The following PTPRD variants were observed in gnomAD, a reference collection of about 807,000 sequenced individuals.
PTPRD encodes receptor-type tyrosine-protein phosphatase delta.
In PTPRD, 34 loss-of-function variants were observed where a neutral mutation model predicts 214.5. That is an observed-to-expected ratio of 0.16 (90% CI 0.12 to 0.21). The LOEUF is 0.21. Among genes scored for constraint, PTPRD ranks in the 10% least tolerant of loss-of-function variants. The probability of loss-of-function intolerance (pLI) is 1.00; values close to 1 mark genes in which losing one functional copy is unlikely to be tolerated. For missense variants in PTPRD, 2,545 were observed against 2,398.7 expected (o/e 1.06, Z -1.27); for synonymous variants, 1,128 against 845.7 (o/e 1.33, Z -5.79).
intron 10 of PTPRD, among the ~76,000 whole-genome samples, chr9:9,033,160 G>C (rs578218700): frequency 6.6e-6 from 1 of 152,112 alleles, no homozygotes; most frequent in Non-Finnish European, 1.5e-5. Flanking sequence ...ACTGGGTATA[G>C]TCCATAGACA....
At chr9:8,361,717 T>C (rs983814843) in intron 39 of PTPRD, among the ~76,000 whole-genome samples, 1 of 152,318 alleles carries the variant, frequency 6.6e-6, no homozygotes, top group East Asian at 1.9e-4. Flanking sequence ...ATGTTGATAA[T>C]TGAAGCTGTG....
chr9:9,374,779 T>C (rs914779446), intron 9 of PTPRD, among the ~76,000 whole-genome samples: 17 of 152,154 alleles, frequency 1.1e-4, no homozygotes, highest in African/African-American at 3.9e-4. Flanking sequence ...GCCATCTTTG[T>C]CTTACATTGG....
chr9:9,656,846 A>T (rs1353485070), intron 7 of PTPRD, among the ~76,000 whole-genome samples: 1 of 152,084 alleles, frequency 6.6e-6, no homozygotes, highest in Non-Finnish European at 1.5e-5. Context: ...ATAGTGGGAA[A>T]GGTTGTAGGT....
At chr9:9,750,965 AAATCATCAC>A (rs2098512222) in intron 6 of PTPRD, among the ~76,000 whole-genome samples, 1 of 152,066 alleles carries the variant, frequency 6.6e-6, no homozygotes, top group South Asian at 2.1e-4. Flanking sequence ...AAAGTGCATT[AAATCATCAC>A]TGGAGAAAGA....
At chr9:9,354,275 T>A (rs534177804) in intron 9 of PTPRD, among the ~76,000 whole-genome samples, 11 of 151,832 alleles carry the variant, frequency 7.2e-5, no homozygotes, top group Non-Finnish European at 7.4e-5. Context: ...CAGGGACATG[T>A]ATGGGTATAT....
rs556217661 is a variant in PTPRD, at chr9:9,023,748, G to A, written c.-142-5013C>T. Among the ~76,000 whole-genome samples the A allele has an allele frequency of 2.6e-4, 39 of 152,126 alleles. No homozygotes were observed. The South Asian group carries it at 5.4e-3, about 21-fold the overall frequency. ...AATATTTAGCTCCACTTATAAGTGA[G>A]AAAATGAGGTATTTGGTTTCTTGTT... is the stretch of plus-strand genomic sequence containing the variant. On this transcript the variant is annotated intron_variant, in intron 10 of 45. Coordinates refer to ENST00000381196, the MANE Select transcript of PTPRD (RefSeq NM_002839.4).
chr9:10,093,225 T>G (rs2098450217), intron 3 of PTPRD, among the ~76,000 whole-genome samples: 1 of 151,286 alleles, frequency 6.6e-6, no homozygotes, highest in Non-Finnish European at 1.5e-5. Context: ...AAATCTGGAA[T>G]CTACAAGAAA....
At chr9:10,396,498 C>T (rs1347532727) in intron 2 of PTPRD, among the ~76,000 whole-genome samples, 3 of 151,914 alleles carry the variant, frequency 2.0e-5, no homozygotes, top group Admixed American at 6.6e-5. Context: ...TCTTCTCCCC[C>T]AGTTCTATTC....
At chr9:8,750,631 A>G (rs756005869) in intron 11 of PTPRD, among the ~76,000 whole-genome samples, 1 of 152,186 alleles carries the variant, frequency 6.6e-6, no homozygotes, top group Non-Finnish European at 1.5e-5. Context: ...AATGACAAGA[A>G]GAAATGCAGA....
At chr9:10,156,510 TG>T (rs2099094409) in intron 3 of PTPRD, among the ~76,000 whole-genome samples, 1 of 152,216 alleles carries the variant, frequency 6.6e-6, no homozygotes, top group African/African-American at 2.4e-5. Context: ...AGAGTTGTTA[TG>T]GGTTCATTTA....
At chr9:8,821,030 C>A (rs939077782) in intron 11 of PTPRD, among the ~76,000 whole-genome samples, 1 of 152,278 alleles carries the variant, frequency 6.6e-6, no homozygotes, top group South Asian at 2.1e-4. Flanking sequence ...AGCCACCTCC[C>A]TTTCCCAGCT....
At chr9:9,472,494 C>T (rs1022688747) in intron 8 of PTPRD, among the ~76,000 whole-genome samples, 1 of 152,038 alleles carries the variant, frequency 6.6e-6, no homozygotes, top group African/African-American at 2.4e-5. Flanking sequence ...TGAGCCACCA[C>T]GCCCGGCCCC....
chr9:10,373,078 C>T (rs2097660751), intron 2 of PTPRD, among the ~76,000 whole-genome samples: 2 of 150,948 alleles, frequency 1.3e-5, no homozygotes, highest in East Asian at 2.0e-4. Flanking sequence ...AGTGATCCGC[C>T]AGCCTTGGCC....
intron 14 of PTPRD, among the ~76,000 whole-genome samples, chr9:8,624,613 C>T (rs532172394): frequency 6.6e-6 from 1 of 151,852 alleles, no homozygotes; most frequent in South Asian, 2.1e-4. Context: ...GTTACTCTGC[C>T]AGATGATTTA....
intron 3 of PTPRD, among the ~76,000 whole-genome samples, chr9:10,326,424 T>A (rs1234096164): frequency 6.6e-6 from 1 of 151,766 alleles, no homozygotes; most frequent in Non-Finnish European, 1.5e-5. Context: ...TAGTACAGAA[T>A]TTTGATAGAA....
chr9:9,342,231 T>A (rs188520137), intron 9 of PTPRD, among the ~76,000 whole-genome samples: 139 of 152,316 alleles, frequency 9.1e-4, no homozygotes, highest in Non-Finnish European at 5.9e-5. Context: ...AATACTGTCA[T>A]GCTTTATAGA....
Position 9,378,855 on chromosome 9 carries a change from T to C in PTPRD, c.-203+18594A>G, listed in dbSNP as rs530056015. 8.0e-4 allele frequency among the ~76,000 whole-genome samples: 121 copies of C among 152,190 alleles called. 2 individuals are homozygous for C. The South Asian group carries it at 0.024, about 30-fold the overall frequency. Reference sequence around the variant, plus strand: ...AAAATCTTTCACCCACTTTTTAATTTTTTCCTATTGTTGATTTTTAAGTTT... The same window carrying C: ...AAAATCTTTCACCCACTTTTTAATTCTTTCCTATTGTTGATTTTTAAGTTT... On this transcript the variant is annotated intron_variant, in intron 9 of 45. Transcript: ENST00000381196.
At chr9:9,579,101 C>T (rs375401945) in intron 7 of PTPRD, among the ~76,000 whole-genome samples, 3 of 152,122 alleles carry the variant, frequency 2.0e-5, no homozygotes, top group East Asian at 1.9e-4. Context: ...AATCATTGTA[C>T]GGCATTCTTA....
intron 3 of PTPRD, among the ~76,000 whole-genome samples, chr9:10,109,334 T>C (rs944903659): frequency 2.0e-5 from 3 of 152,192 alleles, no homozygotes; most frequent in African/African-American, 7.2e-5. Context: ...TGATGTTAAA[T>C]TGGCTGGCTA....
Sources: allele counts gnomAD v4.1 joint callset (sites outside exome capture counted in the v4.1 genomes callset), GRCh38; gene constraint gnomAD v4.1.1; transcripts MANE v1.5; gene names NCBI Gene and HGNC (gene_info 2026-07-23, HGNC 2026-07-21).